BIRC2: variants seen among roughly 807,000 people sequenced by gnomAD.
BIRC2 encodes the protein baculoviral IAP repeat containing 2.
Under a neutral mutation model 60.9 loss-of-function variants are expected in BIRC2, and 18 were observed. The ratio of observed to expected loss-of-function variants is 0.30; its 90% CI spans 0.20 to 0.44. The LOEUF (loss-of-function observed/expected upper bound fraction) is 0.44. BIRC2 is among the 20% of genes least tolerant of loss of function. The pLI is 1.00. For synonymous variants in BIRC2, 282 were observed against 247.7 expected (o/e 1.14, Z -1.30); for missense variants, 701 against 728.5 (o/e 0.96, Z 0.43).
At position 102,351,007 on chromosome 11, in the gene BIRC2, A is replaced by G. The variant is rs1032073861; in HGVS notation, c.995+64A>G. On this transcript the variant is annotated intron_variant, in intron 3 of 8. Coordinates refer to ENST00000227758, the MANE Select transcript of BIRC2 (RefSeq NM_001166.5). ...GTGCTTAAAAGAAGTAGGCATGCCT[A>G]CATGATTTTGTTTACCTTTAAATTA... The G allele has an allele frequency of 4.7e-6, 7 of 1,478,954 alleles. No homozygotes were observed. The Admixed American group carries it at 5.7e-5, about 12-fold the overall frequency. 91.6% of individuals were successfully genotyped at this position (1,478,954 alleles called of 1,614,324 possible). A position where few individuals can be genotyped will look rare whatever the true frequency, so the allele number is the denominator to read the frequency against.
intron 3 of BIRC2, among the ~76,000 whole-genome samples, chr11:102,357,742 G>A (rs1461616182): frequency 6.6e-6 from 1 of 151,946 alleles, no homozygotes; most frequent in Non-Finnish European, 1.5e-5. Context: ...CTTAGTTTTA[G>A]TGGTCTTTTC....
chr11:102,361,587 T>G (rs546730070), intron 3 of BIRC2, among the ~76,000 whole-genome samples: 78 of 152,282 alleles, frequency 5.1e-4, no homozygotes, highest in African/African-American at 1.8e-3. Context: ...AGTAGGCTAC[T>G]GGGGTTGGCA....
At chr11:102,355,164 C>T (rs1340456995) in intron 3 of BIRC2, among the ~76,000 whole-genome samples, 2 of 151,974 alleles carry the variant, frequency 1.3e-5, no homozygotes, top group South Asian at 4.2e-4. Context: ...GTGTCATACC[C>T]AAAACATTAT....
chr11:102,369,778 C>G (rs981927309), intron 6 of BIRC2, among the ~76,000 whole-genome samples: 5 of 147,776 alleles, frequency 3.4e-5, no homozygotes, highest in African/African-American at 1.3e-4. Context: ...TACAGTCCCA[C>G]CAACAGTGTA....
intron 5 of BIRC2, among the ~76,000 whole-genome samples, chr11:102,364,176 C>CATAT (rs1445877690): frequency 2.8e-4 from 14 of 49,496 alleles, no homozygotes; most frequent in Non-Finnish European, 4.3e-4. Flanking sequence ...TATATATATA[C>CATAT]ACACACACAC....
intron 5 of BIRC2, among the ~76,000 whole-genome samples, chr11:102,365,976 A>G (rs986626133): frequency 2.0e-5 from 3 of 152,096 alleles, no homozygotes; most frequent in African/African-American, 7.2e-5. Flanking sequence ...GTCCTGAACA[A>G]TTTCCTTTGT....
chr11:102,366,700 G>C (rs922739870), intron 5 of BIRC2, among the ~76,000 whole-genome samples: 1 of 151,942 alleles, frequency 6.6e-6, no homozygotes, highest in African/African-American at 2.4e-5. Context: ...CCAAACTACC[G>C]TCATCTGTGT....
In BIRC2 at chr11:102,349,846, C is replaced by A; in HGVS notation, c.-9C>A. 6.3e-7 allele frequency: 1 copy of A among 1,590,918 alleles called. No individual in the cohort carries two copies. Among genetic ancestry groups the A allele is most frequent in the South Asian group, 1.2e-5 (1 of 86,524 alleles). Reference sequence around the variant, plus strand: ...TGTTTTAGCTATCAAACAGTACTGTCACCTACTCATGCACAAAACTGCCTC... The same window carrying A: ...TGTTTTAGCTATCAAACAGTACTGTAACCTACTCATGCACAAAACTGCCTC... On this transcript the variant is annotated 5_prime_UTR_variant, in exon 2 of 9. Coordinates refer to ENST00000227758, the MANE Select transcript of BIRC2 (RefSeq NM_001166.5).
intron 1 of BIRC2, among the ~76,000 whole-genome samples, chr11:102,348,010 G>C (rs370091552): frequency 6.6e-6 from 1 of 152,336 alleles, no homozygotes; most frequent in Non-Finnish European, 1.5e-5. Context: ...AGTGGTCGTA[G>C]TGCCGGAGCC....
In BIRC2 at chr11:102,347,317, G is replaced by C. The variant is rs1951303313; in HGVS notation, c.-1317G>C. 6.6e-6 allele frequency: 1 copy of C among 152,324 alleles called. No homozygotes were observed. The highest frequency in any genetic ancestry group is 1.5e-5 in the Non-Finnish European group (1 of 68,106). 9.4% of individuals were successfully genotyped at this position (152,324 alleles called of 1,614,324 possible). Reference sequence around the variant, plus strand: ...CTCCTTGTCGGCGCCGCTGATTCCCGGCTCTGCGGAGGCCTCTAGGCAGCC... The same window carrying C: ...CTCCTTGTCGGCGCCGCTGATTCCCCGCTCTGCGGAGGCCTCTAGGCAGCC... On this transcript the variant is annotated 5_prime_UTR_variant, in exon 1 of 9. Coordinates refer to ENST00000227758, the MANE Select transcript of BIRC2 (RefSeq NM_001166.5).
rs1270490641 is a variant in BIRC2, at chr11:102,349,633, G to A, written c.-222G>A. On this transcript the variant is annotated 5_prime_UTR_variant, in exon 2 of 9. Coordinates refer to ENST00000227758, the MANE Select transcript of BIRC2 (RefSeq NM_001166.5). ...CAAATAGCACTTAGGTTACCTGAAA[G>A]AGTTACTACAACCCCAAAGAGTTGT... 1 of 446,306 alleles carries A rather than the reference G, an allele frequency of 2.2e-6. No individual in the cohort carries two copies. Among genetic ancestry groups the A allele is most frequent in the Non-Finnish European group, 3.9e-6 (1 of 255,032 alleles). The allele number at this position is 446,306 out of a possible 1,614,324, so 27.6% of individuals were successfully genotyped here.
At chr11:102,359,056 T>G (rs990284518) in intron 3 of BIRC2, among the ~76,000 whole-genome samples, 1 of 152,238 alleles carries the variant, frequency 6.6e-6, no homozygotes, top group Non-Finnish European at 1.5e-5. Context: ...CTGTCTTCCC[T>G]TGTGTTTAGA....
At chr11:102,363,068 A>T (rs555177276) in intron 4 of BIRC2, 94 bp downstream of exon 4, 1 of 944,690 alleles carries the variant, frequency 1.1e-6, no homozygotes, top group African/African-American at 1.7e-5. Context: ...GATTTTTGCC[A>T]TTGAAAGTCA....
At chr11:102,351,801 G>T (rs1464303882) in intron 3 of BIRC2, among the ~76,000 whole-genome samples, 1 of 151,886 alleles carries the variant, frequency 6.6e-6, no homozygotes, top group Non-Finnish European at 1.5e-5. Context: ...AGTAGAAATA[G>T]AATTAAATTG....
intron 6 of BIRC2, among the ~76,000 whole-genome samples, chr11:102,377,029 ATTCT>A (rs1031070181): frequency 1.1e-4 from 17 of 152,100 alleles, no homozygotes; most frequent in Admixed American, 7.9e-4. Flanking sequence ...TCTGCAGCTT[ATTCT>A]TTCTTGTGAT....
In BIRC2 at chr11:102,377,354, A is replaced by G. The variant is rs190801239; in HGVS notation, c.1367-142A>G. 4 of 715,308 alleles carry G rather than the reference A, an allele frequency of 5.6e-6. No homozygotes were observed. The East Asian group carries it at 1.3e-4, about 23-fold the overall frequency. The allele number at this position is 715,308 out of a possible 1,614,324, so 44.3% of individuals were successfully genotyped here. A position where few individuals can be genotyped will look rare whatever the true frequency, so the allele number is the denominator to read the frequency against. On this transcript the variant is annotated intron_variant, in intron 6 of 8. Coordinates refer to ENST00000227758, the MANE Select transcript of BIRC2 (RefSeq NM_001166.5). ...TGGAAGTTTTCCAAACAACAAACTT[A>G]CAAATGCAAACAAGTTACTTTGTTC... is the stretch of plus-strand genomic sequence containing the variant.
rs987620256 is a variant in BIRC2, at chr11:102,367,066, A to T, written c.1124-1240A>T. 3.9e-5 allele frequency among the ~76,000 whole-genome samples: 6 copies of T among 152,304 alleles called. No homozygotes were observed. The East Asian group carries it at 1.2e-3, about 29-fold the overall frequency. ...TTCCCCCCAGTATTAATAATTTTAC[A>T]TGTAATAGATGTATACATTCTTCAT... On this transcript the variant is annotated intron_variant, in intron 5 of 8. Transcript: ENST00000227758.
rs1951317820 is a variant in BIRC2, at chr11:102,348,638, C to T, written c.-1217C>T. 3.3e-6 allele frequency: 1 copy of T among 300,622 alleles called. No homozygotes were observed. The highest frequency in any genetic ancestry group is 2.3e-5 in the African/African-American group (1 of 43,774). 18.6% of individuals were successfully genotyped at this position (300,622 alleles called of 1,614,324 possible). A position where few individuals can be genotyped will look rare whatever the true frequency, so the allele number is the denominator to read the frequency against. Reference sequence around the variant, plus strand: ...GAATCTCCCTATCCCTATTTTGTCCCCCTGCAGTAATAAATCCCATTATGG... The same window carrying T: ...GAATCTCCCTATCCCTATTTTGTCCTCCTGCAGTAATAAATCCCATTATGG... On this transcript the variant is annotated 5_prime_UTR_variant, in exon 2 of 9. Transcript: ENST00000227758.
At chr11:102,348,184 C>G (rs929456394) in intron 1 of BIRC2, 1 of 152,220 alleles carries the variant, frequency 6.6e-6, no homozygotes, top group Non-Finnish European at 1.5e-5. Flanking sequence ...ATATTACAAA[C>G]TAACGTTGCT....
Sources: gnomAD v4.1 joint callset for allele counts (sites outside exome capture counted in the v4.1 genomes callset) on GRCh38, gnomAD v4.1.1 for gene constraint, MANE v1.5 for transcripts, NCBI Gene and HGNC (gene_info 2026-07-23, HGNC 2026-07-21) for gene names.